The following PACRG variants were observed in gnomAD, a reference collection of about 807,000 sequenced individuals.
The protein encoded by PACRG is parkin coregulated gene protein.
PACRG carries 29 observed loss-of-function variants against 29.7 expected under a neutral mutation model. The observed-to-expected ratio is 0.98, with a 90% CI of 0.73 to 1.33. The LOEUF (loss-of-function observed/expected upper bound fraction) is 1.33, where lower values mean the gene tolerates loss of function less well. Ranked by LOEUF, PACRG falls within the 40% of genes most tolerant of loss-of-function variation. The pLI is 0.00. For missense variants in PACRG, 279 were observed against 316.2 expected (o/e 0.88, Z 0.89); for synonymous variants, 116 against 118.7 (o/e 0.98, Z 0.15).
chr6:163,143,804 G>T (rs956156015), intron 4 of PACRG, among the ~76,000 whole-genome samples: 40 of 151,820 alleles, frequency 2.6e-4, no homozygotes, highest in African/African-American at 9.7e-4. Context: ...TCATGGGTGG[G>T]TGGGAAACTC....
chr6:162,955,587 C>T (rs1258553436), intron 2 of PACRG, among the ~76,000 whole-genome samples: 1 of 152,214 alleles, frequency 6.6e-6, no homozygotes, highest in Non-Finnish European at 1.5e-5. Flanking sequence ...GTGTGAGCCA[C>T]CACGCCCAGC....
At chr6:163,242,489 C>T (rs561698910) in intron 4 of PACRG, among the ~76,000 whole-genome samples, 1 of 152,298 alleles carries the variant, frequency 6.6e-6, no homozygotes, top group East Asian at 1.9e-4. Flanking sequence ...TTATAAGGCT[C>T]AATTATCTTT....
At chr6:163,187,857 T>C (rs1301070779) in intron 4 of PACRG, 1 of 152,366 alleles carries the variant, frequency 6.6e-6, no homozygotes, top group African/African-American at 2.4e-5. Flanking sequence ...GCGCCTGTCA[T>C]CACGTGAAGA....
intron 2 of PACRG, among the ~76,000 whole-genome samples, chr6:162,998,590 T>C (rs1440515645): frequency 2.0e-5 from 3 of 152,220 alleles, no homozygotes; most frequent in Admixed American, 6.5e-5. Flanking sequence ...CTTTTCTTTA[T>C]GAGAATTCAT....
At chr6:162,893,632 G>A (rs900964439) in intron 2 of PACRG, among the ~76,000 whole-genome samples, 3 of 152,230 alleles carry the variant, frequency 2.0e-5, no homozygotes, top group Admixed American at 6.5e-5. Flanking sequence ...TCCCCAAAAC[G>A]TGCTTTCCTT....
At chr6:163,069,675 C>G (rs1203292890) in intron 3 of PACRG, among the ~76,000 whole-genome samples, 1 of 151,658 alleles carries the variant, frequency 6.6e-6, no homozygotes, top group Non-Finnish European at 1.5e-5. Context: ...GAAAATAGCC[C>G]CAAAGCGGAA....
intron 4 of PACRG, among the ~76,000 whole-genome samples, chr6:163,189,028 C>G (rs1780082198): frequency 6.6e-6 from 1 of 152,146 alleles, no homozygotes; most frequent in Non-Finnish European, 1.5e-5. Flanking sequence ...CCTAACAAGA[C>G]ATGAGAGGAT....
intron 2 of PACRG, among the ~76,000 whole-genome samples, chr6:162,849,997 C>A (rs778894480): frequency 6.6e-6 from 1 of 152,162 alleles, no homozygotes. Context: ...AGGTCATGCT[C>A]AGTTCTAAGA....
intron 2 of PACRG, among the ~76,000 whole-genome samples, chr6:162,981,676 ATG>A (rs1270122464): frequency 1.3e-5 from 2 of 152,008 alleles, no homozygotes; most frequent in Admixed American, 1.3e-4. Flanking sequence ...TGAACATGGG[ATG>A]TGTTTCCATT....
At chr6:163,118,414 G>T (rs1203652720) in intron 4 of PACRG, among the ~76,000 whole-genome samples, 1 of 152,180 alleles carries the variant, frequency 6.6e-6, no homozygotes, top group African/African-American at 2.4e-5. Context: ...AGAGAAGTGA[G>T]GCCCCATTCT....
At chr6:163,224,367 T>TAAAAAAAAAAAAAAAAAAAAAAAA (rs1781701543) in intron 4 of PACRG, among the ~76,000 whole-genome samples, 1 of 8,822 alleles carries the variant, frequency 1.1e-4, no homozygotes, top group Non-Finnish European at 2.0e-4. Flanking sequence ...AGACTCCATC[T>TAAAAAAAAAAAAAAAAAAAAAAAA]CAAAAAAAAA....
chr6:163,122,507 C>T (rs984260153), intron 4 of PACRG, among the ~76,000 whole-genome samples: 5 of 152,230 alleles, frequency 3.3e-5, no homozygotes, highest in African/African-American at 1.2e-4. Context: ...CCCTGCTGTT[C>T]CCACAAGAGC....
chr6:162,933,218 A>G (rs1395547583), intron 2 of PACRG, among the ~76,000 whole-genome samples: 1 of 152,208 alleles, frequency 6.6e-6, no homozygotes, highest in African/African-American at 2.4e-5. Flanking sequence ...TGAGAAAACA[A>G]TAGGACTTTC....
chr6:162,917,012 A>G (rs895085572), intron 2 of PACRG, among the ~76,000 whole-genome samples: 11 of 152,086 alleles, frequency 7.2e-5, no homozygotes, highest in African/African-American at 2.7e-4. Context: ...CATCCGGATC[A>G]CATTTCTTTT....
intron 2 of PACRG, among the ~76,000 whole-genome samples, chr6:162,998,968 G>A (rs967109706): frequency 7.2e-5 from 11 of 152,164 alleles, no homozygotes; most frequent in African/African-American, 2.7e-4. Flanking sequence ...GCTGCCAACT[G>A]TACTTTGTAT....
At chr6:162,989,001 T>C (rs994745409) in intron 2 of PACRG, among the ~76,000 whole-genome samples, 1 of 152,144 alleles carries the variant, frequency 6.6e-6, no homozygotes, top group Non-Finnish European at 1.5e-5. Context: ...GTATTAGTTA[T>C]GCGACGAAAA....
intron 1 of PACRG, among the ~76,000 whole-genome samples, chr6:162,796,839 G>T (rs1453381134): frequency 1.3e-5 from 2 of 152,184 alleles, no homozygotes; most frequent in African/African-American, 4.8e-5. Context: ...ATGATGAGTT[G>T]TGTAGTTATT....
chr6:162,760,510 C>A (rs991056555), intron 1 of PACRG, among the ~76,000 whole-genome samples: 2 of 152,090 alleles, frequency 1.3e-5, no homozygotes, highest in Non-Finnish European at 2.9e-5. Context: ...AGGAAAGAAC[C>A]AGGGTACCAA....
At chr6:162,750,347 G>A (rs1429955515) in intron 1 of PACRG, among the ~76,000 whole-genome samples, 10 of 152,080 alleles carry the variant, frequency 6.6e-5, no homozygotes, top group Admixed American at 5.9e-4. Context: ...AGTTTTTATG[G>A]CATTTGGAAA....
Sources: gnomAD v4.1 joint callset for allele counts (sites outside exome capture counted in the v4.1 genomes callset) on GRCh38, gnomAD v4.1.1 for gene constraint, MANE v1.5 for transcripts, NCBI Gene and HGNC (gene_info 2026-07-23, HGNC 2026-07-21) for gene names.